Variants in TNS1 observed in about 807,000 individuals in gnomAD.
TNS1 encodes the protein tensin-1.
Under a neutral mutation model 168.6 loss-of-function variants are expected in TNS1, and 62 were observed. That is an observed-to-expected ratio of 0.37 (90% confidence interval 0.30 to 0.45). The LOEUF (loss-of-function observed/expected upper bound fraction) is 0.45. TNS1 is among the 20% of genes least tolerant of loss of function. The pLI is 1.00. For missense variants in TNS1, 2,240 were observed against 2,339.4 expected (o/e 0.96, Z 0.88); for synonymous variants, 934 against 933.2 (o/e 1.00, Z -0.02).
chr2:218,004,379 C>A (rs1375343822), upstream of TNS1, among the ~76,000 whole-genome samples: 7 of 152,046 alleles, frequency 4.6e-5, no homozygotes, highest in East Asian at 1.4e-3. Flanking sequence ...CCCCCCCCCA[C>A]TCACCCAAGG....
At chr2:217,805,810 AT>A (rs1938897269) in intron 32 of TNS1, among the ~76,000 whole-genome samples, 2 of 132,272 alleles carry the variant, frequency 1.5e-5, no homozygotes, top group South Asian at 2.5e-4. Flanking sequence ...CCATGCATAC[AT>A]ACATATACAG....
chr2:217,805,351 C>T (rs185759998), intron 32 of TNS1, among the ~76,000 whole-genome samples: 14 of 151,908 alleles, frequency 9.2e-5, no homozygotes, highest in Middle Eastern at 6.8e-3. Context: ...CTCTCCCTAC[C>T]GCAGGACCAC....
chr2:217,958,965 C>T (rs1957431058), intron 3 of TNS1, among the ~76,000 whole-genome samples: 1 of 152,188 alleles, frequency 6.6e-6, no homozygotes, highest in Non-Finnish European at 1.5e-5. Context: ...AGCCCAGGCC[C>T]CAGGCCACTG....
intron 15 of TNS1, 28 bp downstream of exon 15, chr2:217,885,716 G>C (rs1402866165): frequency 6.4e-7 from 1 of 1,558,704 alleles, no homozygotes; most frequent in Non-Finnish European, 8.6e-7. Context: ...AAACAAGGAT[G>C]GGGCTTGACA....
intron 1 of TNS1, among the ~76,000 whole-genome samples, chr2:218,015,853 G>A (rs911343456): frequency 7.2e-5 from 11 of 152,328 alleles, no homozygotes; most frequent in South Asian, 2.1e-4. Flanking sequence ...GCCTGGGGTC[G>A]TCTTGATTAG....
chr2:217,967,013 G>T (rs1350712479), intron 3 of TNS1, among the ~76,000 whole-genome samples: 1 of 152,160 alleles, frequency 6.6e-6, no homozygotes, highest in African/African-American at 2.4e-5. Context: ...ACCATGCAGG[G>T]GATACTTAAT....
intron 18 of TNS1, among the ~76,000 whole-genome samples, chr2:217,866,188 C>T (rs1949255433): frequency 6.6e-6 from 1 of 152,206 alleles, no homozygotes. Context: ...GAAAATGCTG[C>T]CTGGCTGCAG....
At chr2:217,950,956 C>T (rs1353203923) in intron 3 of TNS1, among the ~76,000 whole-genome samples, 1 of 152,032 alleles carries the variant, frequency 6.6e-6, no homozygotes, top group Non-Finnish European at 1.5e-5. Flanking sequence ...CACCCTCCTC[C>T]GCTCCCTAGA....
In TNS1 at chr2:217,895,047, G is replaced by C. The variant is rs550206581; in HGVS notation, c.553C>G (p.Leu185Val). ...GTGATGTCAGGTCTCCGCTCAGAGA[G>C]GTTGAACAGCTAGAAGGAGCAAAAG... is the stretch of plus-strand genomic sequence containing the variant. The part of the protein sequence containing the change: ...KHGGNYLLFN[L>V]SERRPDITKL... Residue 185 changes from leucine to valine, a missense_variant, in exon 9 of 33, where the codon CTC (leucine) becomes GTC (valine). Transcript: ENST00000682258. 2.2e-5 allele frequency: 36 copies of C among 1,611,904 alleles called. 1 individual carries two copies. The South Asian group carries it at 4.0e-4, about 18-fold the overall frequency.
chr2:217,807,011 C>T (rs1409583622), intron 32 of TNS1, among the ~76,000 whole-genome samples: 1 of 152,252 alleles, frequency 6.6e-6, no homozygotes, highest in African/African-American at 2.4e-5. Flanking sequence ...CTCTGAGGTG[C>T]TGATGTGTTC....
At position 217,932,516 on chromosome 2, in the gene TNS1, A is replaced by T. The variant is rs544313012; in HGVS notation, c.187-12280T>A. ...GGAGGTGATTAATGGCATTTTCTGC[A>T]CCTCAGCATCCTCATTTACAGACCA... On this transcript the variant is annotated intron_variant, in intron 3 of 32. Transcript: ENST00000682258. Among the ~76,000 whole-genome samples the T allele has an allele frequency of 1.4e-4, 22 of 152,258 alleles. No individual in the cohort carries two copies. The East Asian group carries it at 4.3e-3, about 29-fold the overall frequency.
chr2:217,966,523 A>G (rs1230912265), intron 3 of TNS1, among the ~76,000 whole-genome samples: 1 of 152,164 alleles, frequency 6.6e-6, no homozygotes, highest in Non-Finnish European at 1.5e-5. Flanking sequence ...CATCCAGTTA[A>G]GTTGAAGAGG....
intron 1 of TNS1, among the ~76,000 whole-genome samples, 161 bp downstream of exon 1, chr2:218,002,679 A>C (rs571346646): frequency 2.6e-3 from 391 of 152,160 alleles, no homozygotes; most frequent in Non-Finnish European, 4.6e-3. Context: ...GGGTTGCTCA[A>C]GTCAGTCTGT....
intron 32 of TNS1, among the ~76,000 whole-genome samples, chr2:217,805,991 T>TATTA (rs1160409253): frequency 1.3e-5 from 2 of 152,108 alleles, no homozygotes; most frequent in Non-Finnish European, 2.9e-5. Context: ...CCTGGGGTAA[T>TATTA]GCCCAGGTGG....
chr2:217,878,910 GCC>G (rs761422800), intron 18 of TNS1, among the ~76,000 whole-genome samples: 1 of 152,134 alleles, frequency 6.6e-6, no homozygotes, highest in Non-Finnish European at 1.5e-5. Context: ...CGCTTCTTCT[GCC>G]CCCTCGCCCT....
At chr2:217,963,960 A>T (rs1401660226) in intron 3 of TNS1, among the ~76,000 whole-genome samples, 1 of 151,526 alleles carries the variant, frequency 6.6e-6, no homozygotes, top group Non-Finnish European at 1.5e-5. Context: ...CCAGGCCCCA[A>T]ATCTTAAAAC....
chr2:218,027,644 C>T (rs1958861790), intron 1 of TNS1, among the ~76,000 whole-genome samples: 1 of 152,136 alleles, frequency 6.6e-6, no homozygotes, highest in South Asian at 2.1e-4. Flanking sequence ...GCCTCCCGCA[C>T]TGACTTCCCA....
rs1231977294 is a variant in TNS1, at chr2:217,802,918, G to T, written c.*1541C>A. Reference sequence around the variant, plus strand: ...GCATAGGCTTAAGAATGGAGTCCTGGTGAATTTTCCATTCTGGCTTAGAGT... The same window carrying T: ...GCATAGGCTTAAGAATGGAGTCCTGTTGAATTTTCCATTCTGGCTTAGAGT... On this transcript the variant is annotated 3_prime_UTR_variant, in exon 33 of 33. Transcript: ENST00000682258. 6.6e-6 allele frequency: 1 copy of T among 152,636 alleles called. No individual in the cohort carries two copies. Among genetic ancestry groups the T allele is most frequent in the Admixed American group, 6.5e-5 (1 of 15,284 alleles). The allele number at this position is 152,636 out of a possible 1,614,324, so 9.5% of individuals were successfully genotyped here.
intron 11 of TNS1, 48 bp downstream of exon 11, chr2:217,892,900 G>T (rs773565032): frequency 5.7e-6 from 9 of 1,591,510 alleles, no homozygotes; most frequent in East Asian, 2.2e-5. Context: ...GAGGAGGGGG[G>T]TCACACTGTC....
Sources: gnomAD v4.1 joint callset for allele counts (sites outside exome capture counted in the v4.1 genomes callset) on GRCh38, gnomAD v4.1.1 for gene constraint, MANE v1.5 for transcripts, NCBI Gene and HGNC (gene_info 2026-07-23, HGNC 2026-07-21) for gene names.